The following PDE4D variants were observed in gnomAD, a reference collection of about 807,000 sequenced individuals.
The protein encoded by PDE4D is 3',5'-cyclic-AMP phosphodiesterase 4D.
Under a neutral mutation model 87.4 loss-of-function variants are expected in PDE4D, and 24 were observed. The observed-to-expected ratio is 0.27, with a 90% CI of 0.20 to 0.39. The LOEUF (loss-of-function observed/expected upper bound fraction) is 0.39, where lower values mean the gene tolerates loss of function less well. Among genes scored for constraint, PDE4D ranks in the 10% least tolerant of loss-of-function variants. PDE4D has a pLI of 1.00. For synonymous variants in PDE4D, 384 were observed against 383.2 expected, an observed-to-expected ratio of 1.00 and a Z score of -0.02; for missense variants, 714 against 1,041.0, an observed-to-expected ratio of 0.69 and a Z score of 4.32.
intron 1 of PDE4D, among the ~76,000 whole-genome samples, chr5:59,498,165 C>A (rs1040773217): frequency 2.0e-5 from 3 of 151,492 alleles, no homozygotes; most frequent in African/African-American, 7.3e-5. Flanking sequence ...ACAAGAGATA[C>A]TTAAGAGAGT....
intron 1 of PDE4D, among the ~76,000 whole-genome samples, chr5:60,504,491 T>C (rs948169442): frequency 6.6e-5 from 10 of 152,154 alleles, no homozygotes; most frequent in African/African-American, 2.2e-4. Context: ...CAGTGCACTG[T>C]ATTGTCCCTC....
chr5:58,991,882 T>A lies in PDE4D; in HGVS notation c.1138A>T (p.Ser380Cys). 6.3e-7 allele frequency: 1 copy of A among 1,577,542 alleles called. No individual in the cohort carries two copies. Among genetic ancestry groups the A allele is most frequent in the South Asian group, 1.2e-5 (1 of 82,470 alleles). ...LMHSSSLTNS[S>C]IPRFGVKTEQ... ...GTTTTAACTCCAAACCTTGGGATACTTGAATTAGTCAGACTAGAGCTGTGC... is the reference window on the plus strand; with the variant it reads ...GTTTTAACTCCAAACCTTGGGATACATGAATTAGTCAGACTAGAGCTGTGC... Residue 380 changes from serine (S) to cysteine (C), a missense_variant, in exon 8 of 15, where the codon AGT becomes TGT. Physicochemically the swap from Ser to Cys is moderately radical, Grantham distance 112. Around this residue, in one of 7 missense-constraint regions of PDE4D, gnomAD observed 141 missense variants for 204.3 expected, o/e 0.69. Coordinates refer to ENST00000340635, the MANE Select transcript of PDE4D (RefSeq NM_001104631.2).
rs192744067 is a variant in PDE4D, at chr5:59,790,819, C to T, written c.455+102349G>A. The stretch of plus-strand genomic sequence containing the variant: ...TAATATGAAAATGTGTTATAGATCA[C>T]GAAAAACTTCCTGTCTACTACTATG... On this transcript the variant is annotated intron_variant, in intron 1 of 14. Transcript: ENST00000340635. Among the ~76,000 whole-genome samples, 303 of 152,256 alleles carry T rather than the reference C, an allele frequency of 2.0e-3. 5 individuals carry two copies. Among genetic ancestry groups the T allele is most frequent in the Admixed American group, 0.017 (260 of 15,280 alleles).
At chr5:59,502,428 GCTTTAAACATGGTGT>G (rs1224772871) in intron 1 of PDE4D, among the ~76,000 whole-genome samples, 4 of 152,138 alleles carry the variant, frequency 2.6e-5, no homozygotes, top group African/African-American at 9.6e-5. Context: ...CATTCAGAAA[GCTTTAAACATGGTGT>G]CTGAGCAATA....
intron 2 of PDE4D, among the ~76,000 whole-genome samples, chr5:60,144,189 G>A (rs751716752): frequency 2.0e-4 from 31 of 152,208 alleles, no homozygotes; most frequent in Admixed American, 2.6e-4. Context: ...TAGAAACTGG[G>A]AGGGGAGAGC....
At chr5:60,119,751 T>TAAGTGG (rs1408412756) in intron 2 of PDE4D, among the ~76,000 whole-genome samples, 1 of 152,180 alleles carries the variant, frequency 6.6e-6, no homozygotes, top group African/African-American at 2.4e-5. Context: ...CACTCACACA[T>TAAGTGG]GCATATACAT....
intron 1 of PDE4D, among the ~76,000 whole-genome samples, chr5:59,829,850 C>A (rs1052516235): frequency 2.0e-5 from 3 of 151,922 alleles, no homozygotes; most frequent in African/African-American, 7.3e-5. Context: ...ATAAACCTGG[C>A]GTCACACATA....
chr5:60,140,903 G>A (rs143412327), intron 2 of PDE4D, among the ~76,000 whole-genome samples: 256 of 152,214 alleles, frequency 1.7e-3, no homozygotes, highest in African/African-American at 6.0e-3. Flanking sequence ...ACTCATGTGG[G>A]CTTAGGCCTT....
At chr5:60,135,572 A>T (rs1231458825) in intron 2 of PDE4D, among the ~76,000 whole-genome samples, 2 of 152,202 alleles carry the variant, frequency 1.3e-5, no homozygotes, top group Non-Finnish European at 2.9e-5. Flanking sequence ...AAAAGAAGGT[A>T]GCTGGATGGA....
chr5:59,104,266 C>T (rs1771217718), intron 5 of PDE4D, among the ~76,000 whole-genome samples: 1 of 152,016 alleles, frequency 6.6e-6, no homozygotes, highest in African/African-American at 2.4e-5. Context: ...CTCATGGAAC[C>T]CATAAAGAAT....
chr5:59,587,627 C>A, intron 1 of PDE4D: 1 of 985,334 alleles, frequency 1.0e-6, no homozygotes, highest in Middle Eastern at 5.2e-4. Context: ...ATTAACTCTG[C>A]AGCAGCCTGG....
chr5:59,474,680 T>C (rs897119152), intron 1 of PDE4D, among the ~76,000 whole-genome samples: 3 of 152,088 alleles, frequency 2.0e-5, no homozygotes, highest in African/African-American at 7.2e-5. Flanking sequence ...TGGGTATGTA[T>C]GAAGAGAACA....
At chr5:58,978,118 T>C (rs562804715) in intron 11 of PDE4D, among the ~76,000 whole-genome samples, 14 of 152,296 alleles carry the variant, frequency 9.2e-5, no homozygotes, top group African/African-American at 2.9e-4. Context: ...AGATAATCAT[T>C]AAAAAACTTT....
At chr5:59,514,955 A>T (rs1376372262) in intron 1 of PDE4D, among the ~76,000 whole-genome samples, 1 of 152,268 alleles carries the variant, frequency 6.6e-6, no homozygotes, top group African/African-American at 2.4e-5. Context: ...ACCAAATGTT[A>T]GCAAATAAAG....
chr5:60,361,743 A>G (rs1267048822), intron 1 of PDE4D, among the ~76,000 whole-genome samples: 2 of 152,212 alleles, frequency 1.3e-5, no homozygotes, highest in Non-Finnish European at 1.5e-5. Flanking sequence ...TGGATGCTCC[A>G]TCAACCCATG....
intron 3 of PDE4D, among the ~76,000 whole-genome samples, chr5:59,901,214 G>A (rs1158836374): frequency 6.6e-6 from 1 of 152,080 alleles, no homozygotes; most frequent in African/African-American, 2.4e-5. Context: ...GATCTTGCCT[G>A]GATGACAAAT....
At chr5:59,431,954 G>T (rs1043565432) in intron 1 of PDE4D, among the ~76,000 whole-genome samples, 1 of 151,982 alleles carries the variant, frequency 6.6e-6, no homozygotes. Context: ...CAAAAGACAC[G>T]CTCTCATTCT....
chr5:60,494,993 G>A (rs1442420020), intron 1 of PDE4D, among the ~76,000 whole-genome samples: 1 of 152,092 alleles, frequency 6.6e-6, no homozygotes, highest in Non-Finnish European at 1.5e-5. Flanking sequence ...TATACAACCT[G>A]TACCACACCT....
chr5:60,075,549 G>A (rs1277335798), intron 2 of PDE4D, among the ~76,000 whole-genome samples: 1 of 152,092 alleles, frequency 6.6e-6, no homozygotes, highest in Non-Finnish European at 1.5e-5. Flanking sequence ...TTAAATGCTG[G>A]CCTCACTAGC....
Sources: allele counts gnomAD v4.1 joint callset (sites outside exome capture counted in the v4.1 genomes callset), GRCh38; gene constraint gnomAD v4.1.1; regional missense constraint gnomAD v4.1.1; transcripts MANE v1.5; gene names NCBI Gene and HGNC (gene_info 2026-07-23, HGNC 2026-07-21).